MGAT5: variants seen among roughly 807,000 people sequenced by gnomAD.
MGAT5 encodes the protein alpha-1,6-mannosylglycoprotein 6-beta-N-acetylglucosaminyltransferase.
MGAT5 carries 30 observed loss-of-function variants against 94.3 expected under a neutral mutation model. The observed-to-expected ratio is 0.32, with a 90% CI of 0.24 to 0.43. The LOEUF (loss-of-function observed/expected upper bound fraction) is 0.43, where lower values mean the gene tolerates loss of function less well. Among genes scored for constraint, MGAT5 ranks in the 20% least tolerant of loss-of-function variants. The probability of loss-of-function intolerance (pLI) is 1.00; values close to 1 mark genes in which losing one functional copy is unlikely to be tolerated. For missense variants in MGAT5, 691 were observed against 905.5 expected, an observed-to-expected ratio of 0.76 and a Z score of 3.04; for synonymous variants, 310 against 322.9, an observed-to-expected ratio of 0.96 and a Z score of 0.43.
At chr2:134,405,215 T>C (rs1000314070) in intron 11 of MGAT5, among the ~76,000 whole-genome samples, 7 of 152,256 alleles carry the variant, frequency 4.6e-5, no homozygotes, top group African/African-American at 9.6e-5. Context: ...CAGGCCAAGA[T>C]GTCCAAGTTT....
At chr2:134,365,465 A>G (rs948527853) in intron 10 of MGAT5, among the ~76,000 whole-genome samples, 6 of 152,208 alleles carry the variant, frequency 3.9e-5, no homozygotes, top group Non-Finnish European at 5.9e-5. Context: ...AGAGTGAGCC[A>G]TGTTAACAGA....
intron 8 of MGAT5, 129 bp downstream of exon 8, chr2:134,345,193 T>C (rs1407196112): frequency 9.3e-6 from 9 of 966,838 alleles, no homozygotes; most frequent in South Asian, 6.5e-5. Flanking sequence ...TCATTCGTAA[T>C]TGAAATTCAG....
At chr2:134,444,351 G>A (rs985394585) in intron 15 of MGAT5, among the ~76,000 whole-genome samples, 4 of 152,166 alleles carry the variant, frequency 2.6e-5, no homozygotes, top group Admixed American at 6.5e-5. Flanking sequence ...CCATGGGATC[G>A]CTGGACCCCA....
At chr2:134,161,962 G>A (rs765366877) in intron 1 of MGAT5, among the ~76,000 whole-genome samples, 14 of 151,898 alleles carry the variant, frequency 9.2e-5, no homozygotes, top group East Asian at 3.9e-4. Context: ...AGGCTGAGGC[G>A]GGCAGATCAC....
At chr2:134,447,764 C>T (rs1685873944) in intron 15 of MGAT5, among the ~76,000 whole-genome samples, 1 of 152,204 alleles carries the variant, frequency 6.6e-6, no homozygotes. Context: ...TCAGAATATC[C>T]TTGGCCCCCC....
At chr2:134,312,940 A>G (rs978981712) in intron 2 of MGAT5, among the ~76,000 whole-genome samples, 1 of 151,626 alleles carries the variant, frequency 6.6e-6, no homozygotes, top group African/African-American at 2.4e-5. Context: ...CGCTATTTCT[A>G]TTCTCACCGT....
chr2:134,341,136 A>G (rs988950328), intron 6 of MGAT5, among the ~76,000 whole-genome samples: 2 of 152,160 alleles, frequency 1.3e-5, no homozygotes, highest in Non-Finnish European at 2.9e-5. Context: ...TATAGATTAA[A>G]TATGCATTAA....
chr2:134,127,915 T>C (rs544013644), intron 1 of MGAT5, among the ~76,000 whole-genome samples: 17 of 152,360 alleles, frequency 1.1e-4, no homozygotes, highest in South Asian at 4.1e-4. Context: ...GTCATTATGC[T>C]CTTTCAGAGT....
In MGAT5 at chr2:134,217,088, C is replaced by G. The variant is rs139186009; in HGVS notation, c.-142-37174C>G. On this transcript the variant is annotated intron_variant, in intron 1 of 16. Transcript: ENST00000409645. ...GGAGGCTGGCAGGATCCTTAGGGGC[C>G]CCATGTTGACCATACCTAGCATGGT... 7.9e-5 allele frequency among the ~76,000 whole-genome samples: 12 copies of G among 151,974 alleles called. No individual in the cohort carries two copies. In the East Asian group the frequency reaches 2.3e-3, roughly 29 times the overall value.
Position 134,169,419 on chromosome 2 carries a change from CACACACACACACACACACACATAT to C in MGAT5, c.-143+49130_-143+49153del, listed in dbSNP as rs1558967551. Among the ~76,000 whole-genome samples, 27 of 149,466 alleles carry C rather than the reference CACACACACACACACACACACATAT, an allele frequency of 1.8e-4. 1 individual carries two copies. Among genetic ancestry groups the C allele is most frequent in the African/African-American group, 6.4e-4 (26 of 40,408 alleles). On this transcript the variant is annotated intron_variant, in intron 1 of 16. Transcript: ENST00000409645. ...ACACACACACACACACACAGACACA[CACACACACACACACACACACATAT>C]ATAAAAGATTGAATTGTACTTCCAT...
In MGAT5 at chr2:134,224,189, C is replaced by G. The variant is rs188095608; in HGVS notation, c.-142-30073C>G. On this transcript the variant is annotated intron_variant, in intron 1 of 16. Transcript: ENST00000409645. ...TCTTGACATTTGGGGTTTTATTCATCTGTCATCTTGCTTAGTGATAGATAC... is the reference window on the plus strand; with the variant it reads ...TCTTGACATTTGGGGTTTTATTCATGTGTCATCTTGCTTAGTGATAGATAC... Among the ~76,000 whole-genome samples, 490 of 152,278 alleles carry G rather than the reference C, an allele frequency of 3.2e-3. 3 individuals carry two copies. The highest frequency in any genetic ancestry group is 0.011 in the African/African-American group (472 of 41,564).
At chr2:134,130,443 A>T (rs114707522) in intron 1 of MGAT5, among the ~76,000 whole-genome samples, 1 of 152,222 alleles carries the variant, frequency 6.6e-6, no homozygotes, top group African/African-American at 2.4e-5. Context: ...GCCCTGGCAC[A>T]GATCCACTAG....
At chr2:134,373,713 C>T (rs751133646) in intron 10 of MGAT5, among the ~76,000 whole-genome samples, 16 of 152,156 alleles carry the variant, frequency 1.1e-4, no homozygotes, top group Non-Finnish European at 2.2e-4. Context: ...CGGGGTGCTC[C>T]TTCCAGTGTT....
chr2:134,207,046 A>C (rs74786803), intron 1 of MGAT5, among the ~76,000 whole-genome samples: 2,135 of 152,346 alleles, frequency 0.014, 46 homozygotes, highest in African/African-American at 0.049. Context: ...ATCCAGTGTC[A>C]GCAGGACTGT....
In MGAT5 at chr2:134,263,558, A is replaced by G. The variant is rs77731684; in HGVS notation, c.242-6828A>G. 8.0e-3 allele frequency among the ~76,000 whole-genome samples: 1,220 copies of G among 152,304 alleles called. 18 individuals carry two copies. Among genetic ancestry groups the G allele is most frequent in the East Asian group, 0.025 (130 of 5,176 alleles). On this transcript the variant is annotated intron_variant, in intron 1 of 15. Transcript: ENST00000281923. ...TGTCCAGAATCTGCTGACTGGGACA[A>G]CTGCAGGGTGGAAGCCACCTTTTTG...
intron 1 of MGAT5, among the ~76,000 whole-genome samples, chr2:134,246,574 C>T (rs1457002607): frequency 6.6e-6 from 1 of 152,208 alleles, no homozygotes; most frequent in African/African-American, 2.4e-5. Flanking sequence ...GTGTATTTTT[C>T]TCCCTTTCAT....
chr2:134,360,913 C>T (rs1264472821), intron 9 of MGAT5, among the ~76,000 whole-genome samples: 3 of 152,188 alleles, frequency 2.0e-5, no homozygotes, highest in African/African-American at 7.2e-5. Flanking sequence ...ATTCTGTCAC[C>T]CCCATCAGGC....
At chr2:134,188,383 C>T (rs899086431) in intron 1 of MGAT5, among the ~76,000 whole-genome samples, 5 of 152,344 alleles carry the variant, frequency 3.3e-5, no homozygotes, top group Non-Finnish European at 7.3e-5. Context: ...GCCATGTGGC[C>T]TTGCACAAGT....
At chr2:134,169,425 C>CACACAGACACAG (rs1553487217) in intron 1 of MGAT5, among the ~76,000 whole-genome samples, 2 of 151,498 alleles carry the variant, frequency 1.3e-5, no homozygotes, top group African/African-American at 4.9e-5. Flanking sequence ...CACACACACA[C>CACACAGACACAG]ACACACACAC....
Sources: allele counts gnomAD v4.1 joint callset (sites outside exome capture counted in the v4.1 genomes callset), GRCh38; gene constraint gnomAD v4.1.1; transcripts MANE v1.5; gene names NCBI Gene and HGNC (gene_info 2026-07-23, HGNC 2026-07-21).